Variants in SHLD1 observed in about 807,000 individuals in gnomAD.
The protein encoded by SHLD1 is shieldin complex subunit 1, also known as RINN1-REV7-interacting novel NHEJ regulator 3.
A neutral mutation model predicts 5.5 loss-of-function variants in SHLD1; 3 were observed. That is an observed-to-expected ratio of 0.54 (90% CI 0.25 to 1.40). The LOEUF (loss-of-function observed/expected upper bound fraction) is 1.40. Among genes scored for constraint, SHLD1 ranks in the 40% most tolerant of loss-of-function variants. The pLI is 0.15. For missense variants in SHLD1, 210 were observed against 244.4 expected (o/e 0.86, Z 0.94); for synonymous variants, 92 against 94.3 (o/e 0.98, Z 0.14).
chr20:5,772,245 A>C (rs1985209234), intron 1 of SHLD1: 1 of 441,786 alleles, frequency 2.3e-6, no homozygotes, highest in Admixed American at 2.4e-5. Flanking sequence ...TGCTGGCATC[A>C]CTACTCTTGT....
chr20:5,841,175 G>T (rs2087854500), intron 2 of SHLD1, among the ~76,000 whole-genome samples: 1 of 112,228 alleles, frequency 8.9e-6, no homozygotes, highest in African/African-American at 5.2e-5. Context: ...TAGCGAGTGT[G>T]TGTGTGTGTG....
chr20:5,808,281 G>T (rs973443939), intron 2 of SHLD1, among the ~76,000 whole-genome samples: 1 of 144,626 alleles, frequency 6.9e-6, no homozygotes, highest in Admixed American at 6.9e-5. Flanking sequence ...AAAAAGAAAC[G>T]TAAAAGTCCT....
chr20:5,809,994 C>T (rs1279592122), intron 2 of SHLD1, among the ~76,000 whole-genome samples: 2 of 152,048 alleles, frequency 1.3e-5, no homozygotes, highest in African/African-American at 4.8e-5. Context: ...CGCAGTGGCT[C>T]ACACCTGTAA....
At chr20:5,795,238 CA>C (rs71197800) in intron 2 of SHLD1, among the ~76,000 whole-genome samples, 45,726 of 150,372 alleles carry the variant, frequency 0.3, 6,925 homozygotes, top group Middle Eastern at 0.35. Context: ...GACTCTGTCT[CA>C]AAAAAAACAA....
chr20:5,830,542 GC>G (rs2087716256), intron 2 of SHLD1, among the ~76,000 whole-genome samples: 2 of 152,190 alleles, frequency 1.3e-5, no homozygotes, highest in South Asian at 4.1e-4. Context: ...TACAAAATTA[GC>G]CAGGCGTAGT....
chr20:5,772,507 T>C (rs1484235974), intron 1 of SHLD1, among the ~76,000 whole-genome samples: 1 of 152,216 alleles, frequency 6.6e-6, no homozygotes, highest in Non-Finnish European at 1.5e-5. Flanking sequence ...GAGTTTTCCA[T>C]GTAATATTTT....
intron 2 of SHLD1, among the ~76,000 whole-genome samples, chr20:5,777,865 A>G (rs1305361925): frequency 6.6e-6 from 1 of 152,138 alleles, no homozygotes; most frequent in African/African-American, 2.4e-5. Flanking sequence ...TAGAACAAAC[A>G]CTTTGGAGAG....
chr20:5,796,056 C>G (rs1247142325), intron 2 of SHLD1, among the ~76,000 whole-genome samples: 1 of 151,854 alleles, frequency 6.6e-6, no homozygotes, highest in Non-Finnish European at 1.5e-5. Context: ...ACTTATTTCT[C>G]CACATCAGAA....
At chr20:5,832,067 G>A (rs1159180865) in intron 2 of SHLD1, among the ~76,000 whole-genome samples, 3 of 152,154 alleles carry the variant, frequency 2.0e-5, no homozygotes, top group Non-Finnish European at 2.9e-5. Flanking sequence ...CAGCCTCGCA[G>A]GTAGCTGGGA....
intron 2 of SHLD1, among the ~76,000 whole-genome samples, chr20:5,781,624 C>G (rs1568499707): frequency 6.7e-6 from 1 of 150,292 alleles, no homozygotes; most frequent in Admixed American, 6.7e-5. Flanking sequence ...ATTACAGGCA[C>G]CCACCACCCT....
At chr20:5,798,856 G>T (rs1053696234) in intron 2 of SHLD1, among the ~76,000 whole-genome samples, 1 of 152,058 alleles carries the variant, frequency 6.6e-6, no homozygotes, top group Non-Finnish European at 1.5e-5. Flanking sequence ...CTGACCTCGT[G>T]ATCCGCCCAC....
In SHLD1 at chr20:5,783,808, C is replaced by T. The variant is rs982143045; in HGVS notation, c.178+10765C>T. Among the ~76,000 whole-genome samples, 3 of 152,116 alleles carry T rather than the reference C, an allele frequency of 2.0e-5. No individual in the cohort carries two copies. In the East Asian group the frequency reaches 5.8e-4, roughly 29 times the overall value. On this transcript the variant is annotated intron_variant, in intron 2 of 2. Transcript: ENST00000303142. The stretch of plus-strand genomic sequence containing the variant: ...CCCTGGATGCTCTACCTTATGCATC[C>T]AGGCAGGCATTCATCCAAAGAAAGG...
At chr20:5,832,045 A>T (rs2087734483) in intron 2 of SHLD1, among the ~76,000 whole-genome samples, 1 of 152,164 alleles carries the variant, frequency 6.6e-6, no homozygotes, top group Admixed American at 6.6e-5. Context: ...GCTTCAAGTG[A>T]TCCTCCCACC....
intron 2 of SHLD1, among the ~76,000 whole-genome samples, chr20:5,784,144 T>A (rs1191802995): frequency 8.1e-6 from 1 of 123,720 alleles, no homozygotes; most frequent in African/African-American, 3.1e-5. Flanking sequence ...AAAGTGAGAC[T>A]GTCTTAAAAA....
At chr20:5,860,805 G>C (rs542159215) in intron 2 of SHLD1, among the ~76,000 whole-genome samples, 1 of 143,308 alleles carries the variant, frequency 7.0e-6, no homozygotes, top group Non-Finnish European at 1.5e-5. Flanking sequence ...TCCAGTGATA[G>C]TGTTCTTGGG....
chr20:5,830,986 G>T (rs1003588534), intron 2 of SHLD1, among the ~76,000 whole-genome samples: 2 of 151,642 alleles, frequency 1.3e-5, no homozygotes, highest in African/African-American at 4.9e-5. Flanking sequence ...TTTGATATAC[G>T]CACGTTATAA....
At chr20:5,767,056 C>T (rs1984870461) in intron 1 of SHLD1, among the ~76,000 whole-genome samples, 1 of 152,180 alleles carries the variant, frequency 6.6e-6, no homozygotes, top group African/African-American at 2.4e-5. Context: ...TAATAAAAAA[C>T]CCAGTCACCG....
At chr20:5,817,432 C>G (rs6085288) in intron 2 of SHLD1, among the ~76,000 whole-genome samples, 26,635 of 84,346 alleles carry the variant, frequency 0.32, 4,485 homozygotes, top group Non-Finnish European at 0.38. Flanking sequence ...CTCTCTCTCT[C>G]TGTGTGTGTG....
chr20:5,837,211 T>C (rs1022927858), intron 2 of SHLD1, among the ~76,000 whole-genome samples: 3 of 152,174 alleles, frequency 2.0e-5, no homozygotes, highest in Non-Finnish European at 4.4e-5. Context: ...TAGGATACAG[T>C]TGACTCTTGA....
Sources: gnomAD v4.1 joint callset for allele counts (sites outside exome capture counted in the v4.1 genomes callset) on GRCh38, gnomAD v4.1.1 for gene constraint, MANE v1.5 for transcripts, NCBI Gene and HGNC (gene_info 2026-07-23, HGNC 2026-07-21) for gene names.